NCKAP5: variants seen among roughly 807,000 people sequenced by gnomAD.
NCKAP5 encodes the protein NCK associated protein 5.
In NCKAP5, 92 loss-of-function variants were observed where a neutral mutation model predicts 167.0. The ratio of observed to expected loss-of-function variants is 0.55; its 90% CI spans 0.47 to 0.66. The LOEUF (loss-of-function observed/expected upper bound fraction) is 0.66, where lower values mean the gene tolerates loss of function less well. NCKAP5 is among the 30% of genes least tolerant of loss of function. NCKAP5 has a pLI of 0.00. For synonymous variants in NCKAP5, 891 were observed against 877.4 expected (o/e 1.02, Z -0.27); for missense variants, 2,378 against 2,315.0 (o/e 1.03, Z -0.56).
rs60111877 is a variant in NCKAP5, at chr2:133,308,079, A to ATTT, written c.70-4972_70-4970dup. 3.0e-3 allele frequency among the ~76,000 whole-genome samples: 268 copies of ATTT among 89,404 alleles called. 19 individuals are homozygous for ATTT. The highest frequency in any genetic ancestry group is 0.011 in the African/African-American group (238 of 22,014). The allele number at this position is 89,404 out of a possible 152,430, so 58.7% of individuals were successfully genotyped here. On this transcript the variant is annotated intron_variant, in intron 3 of 19. Coordinates refer to ENST00000409261, the MANE Select transcript of NCKAP5 (RefSeq NM_207363.3). ...ATATAGGGGAAGAAATTATTGTTCTATTTTTTTTTTTTTTTTTTTTTTTTT... is the reference window on the plus strand; with the variant it reads ...ATATAGGGGAAGAAATTATTGTTCTATTTTTTTTTTTTTTTTTTTTTTTTTTTT...
At chr2:132,740,608 A>G (rs1469686747) in intron 16 of NCKAP5, among the ~76,000 whole-genome samples, 1 of 152,142 alleles carries the variant, frequency 6.6e-6, no homozygotes, top group African/African-American at 2.4e-5. Flanking sequence ...CATTAAGATG[A>G]CCTTCTGGAA....
At chr2:132,995,131 G>T (rs554446962) in intron 6 of NCKAP5, among the ~76,000 whole-genome samples, 1 of 152,186 alleles carries the variant, frequency 6.6e-6, no homozygotes, top group African/African-American at 2.4e-5. Flanking sequence ...TGTGAACACT[G>T]TACACTCTAA....
At chr2:133,387,031 T>A (rs1362152198) in intron 3 of NCKAP5, among the ~76,000 whole-genome samples, 1 of 152,232 alleles carries the variant, frequency 6.6e-6, no homozygotes, top group Non-Finnish European at 1.5e-5. Flanking sequence ...AATTGGAGCA[T>A]TTAGCCCATT....
chr2:133,584,991 AAGG>A, the NCKAP5 span, among the ~76,000 whole-genome samples: 2 of 150,820 alleles, frequency 1.3e-5, no homozygotes, highest in African/African-American at 4.9e-5. Flanking sequence ...GGAAGGAAGG[AAGG>A]AGGGAAAGAA....
At chr2:133,270,291 T>A (rs1438921451) in intron 4 of NCKAP5, among the ~76,000 whole-genome samples, 1 of 152,248 alleles carries the variant, frequency 6.6e-6, no homozygotes, top group East Asian at 1.9e-4. Context: ...TGAATTTTAT[T>A]GTACGTAAAC....
intron 19 of NCKAP5, among the ~76,000 whole-genome samples, chr2:132,677,837 A>G (rs1684696406): frequency 6.6e-6 from 1 of 152,078 alleles, no homozygotes; most frequent in Non-Finnish European, 1.5e-5. Context: ...CTGCGTTCTA[A>G]TCTATGACTC....
chr2:133,195,627 T>C (rs527747180), intron 5 of NCKAP5, among the ~76,000 whole-genome samples: 35 of 152,280 alleles, frequency 2.3e-4, no homozygotes, highest in Non-Finnish European at 5.0e-4. Context: ...ATAATTACAC[T>C]TGAAAAGCAG....
In NCKAP5 at chr2:132,943,436, C is replaced by A. The variant is rs537627559; in HGVS notation, c.579+20284G>T. On this transcript the variant is annotated intron_variant, in intron 8 of 19. Coordinates refer to ENST00000409261, the MANE Select transcript of NCKAP5 (RefSeq NM_207363.3). ...GCAAGGCTAGTAAATCACCAGTTGG[C>A]AATAAGGATATTTATTTCTGTATAG... is the stretch of plus-strand genomic sequence containing the variant. Among the ~76,000 whole-genome samples the A allele has an allele frequency of 5.3e-5, 8 of 152,262 alleles. No individual in the cohort carries two copies. In the East Asian group the frequency reaches 1.5e-3, roughly 29 times the overall value.
chr2:133,471,361 C>G (rs966085504), intron 3 of NCKAP5, among the ~76,000 whole-genome samples: 1 of 142,974 alleles, frequency 7.0e-6, no homozygotes, highest in Non-Finnish European at 1.5e-5. Context: ...TTAAGTGCCA[C>G]TAGCAACTTG....
intron 2 of NCKAP5, among the ~76,000 whole-genome samples, chr2:133,528,034 C>T (rs1330757718): frequency 6.6e-6 from 1 of 152,124 alleles, no homozygotes; most frequent in Non-Finnish European, 1.5e-5. Context: ...CAGTGCACTC[C>T]AGCCTGGGTG....
At chr2:133,057,691 T>C (rs1432054915) in intron 6 of NCKAP5, among the ~76,000 whole-genome samples, 1 of 152,240 alleles carries the variant, frequency 6.6e-6, no homozygotes, top group Admixed American at 6.5e-5. Context: ...AAGATGCCAA[T>C]ACCATAACAC....
At chr2:133,661,566 C>T in the NCKAP5 span, among the ~76,000 whole-genome samples, 1 of 152,230 alleles carries the variant, frequency 6.6e-6, no homozygotes, top group African/African-American at 2.4e-5. Context: ...GACACGCTCT[C>T]CAGTTCGCCC....
At chr2:133,661,038 G>A in the NCKAP5 span, among the ~76,000 whole-genome samples, 1 of 151,876 alleles carries the variant, frequency 6.6e-6, no homozygotes, top group African/African-American at 2.4e-5. Context: ...CTGAGCCTCA[G>A]GGGACATTTC....
intron 5 of NCKAP5, among the ~76,000 whole-genome samples, chr2:133,183,184 C>G (rs2084805562): frequency 6.6e-6 from 1 of 150,908 alleles, no homozygotes; most frequent in African/African-American, 2.4e-5. Flanking sequence ...CTACAAAATG[C>G]TTAAAGAAGA....
intron 3 of NCKAP5, among the ~76,000 whole-genome samples, chr2:133,471,140 G>A (rs1479613171): frequency 6.6e-6 from 1 of 152,104 alleles, no homozygotes; most frequent in Admixed American, 6.5e-5. Flanking sequence ...AAACAGTTCA[G>A]CTCAATTGTC....
At chr2:133,455,596 CTCAT>C (rs1320736515) in intron 3 of NCKAP5, among the ~76,000 whole-genome samples, 1 of 152,050 alleles carries the variant, frequency 6.6e-6, no homozygotes, top group Non-Finnish European at 1.5e-5. Context: ...TGTTTTTCTG[CTCAT>C]TCAAATTATG....
At chr2:133,061,502 C>T (rs2080001107) in intron 6 of NCKAP5, among the ~76,000 whole-genome samples, 1 of 152,082 alleles carries the variant, frequency 6.6e-6, no homozygotes, top group Non-Finnish European at 1.5e-5. Context: ...TATCATGTAC[C>T]ATCGAACCTA....
intron 3 of NCKAP5, among the ~76,000 whole-genome samples, chr2:133,508,396 T>C (rs1049747550): frequency 1.3e-5 from 2 of 152,252 alleles, no homozygotes; most frequent in Admixed American, 6.5e-5. Context: ...TCAGCCTTGT[T>C]GTTTGCACCA....
At chr2:132,722,150 T>C (rs887206918) in intron 19 of NCKAP5, among the ~76,000 whole-genome samples, 2 of 152,224 alleles carry the variant, frequency 1.3e-5, no homozygotes, top group South Asian at 4.1e-4. Context: ...GCGCAACTCA[T>C]GTAGACAGGC....
Sources: gnomAD v4.1 joint callset for allele counts (sites outside exome capture counted in the v4.1 genomes callset) on GRCh38, gnomAD v4.1.1 for gene constraint, MANE v1.5 for transcripts, NCBI Gene and HGNC (gene_info 2026-07-23, HGNC 2026-07-21) for gene names.